Variants in PRDM5 observed in about 807,000 individuals in gnomAD.
PRDM5 encodes PR domain zinc finger protein 5.
In PRDM5, 56 loss-of-function variants were observed where a neutral mutation model predicts 81.2. The observed-to-expected ratio is 0.69, with a 90% confidence interval of 0.56 to 0.86. The LOEUF is 0.86. Ranked by LOEUF, PRDM5 falls within the 40% of genes least tolerant of loss-of-function variation. The probability of loss-of-function intolerance (pLI) is 0.00; values close to 1 mark genes in which losing one functional copy is unlikely to be tolerated. For synonymous variants in PRDM5, 267 were observed against 256.4 expected, an observed-to-expected ratio of 1.04 and a Z score of -0.39; for missense variants, 697 against 770.1, an observed-to-expected ratio of 0.91 and a Z score of 1.12.
At chr4:120,866,190 C>G (rs1761182429) in intron 2 of PRDM5, among the ~76,000 whole-genome samples, 1 of 152,188 alleles carries the variant, frequency 6.6e-6, no homozygotes, top group Admixed American at 6.5e-5. Flanking sequence ...ATCACTGTAC[C>G]TCCTCCCACT....
Position 120,748,964 on chromosome 4 carries a change from T to C in PRDM5, c.1623+5589A>G, listed in dbSNP as rs546344122. Among the ~76,000 whole-genome samples the C allele has an allele frequency of 1.1e-4, 17 of 152,194 alleles. 1 individual carries two copies. The South Asian group carries it at 1.9e-3, about 17-fold the overall frequency. On this transcript the variant is annotated intron_variant, in intron 14 of 15. Coordinates refer to ENST00000264808, the MANE Select transcript of PRDM5 (RefSeq NM_018699.4). ...TAACTGGACATGGAATATAAGAAGT[T>C]CCACTTTTATCAGCTCCTGGGCAGG...
chr4:120,817,757 A>G (rs1258873896), intron 5 of PRDM5, among the ~76,000 whole-genome samples: 2 of 152,192 alleles, frequency 1.3e-5, no homozygotes, highest in Non-Finnish European at 2.9e-5. Flanking sequence ...ATTTAAATAA[A>G]GATAATTTTA....
rs72921518 is a variant in PRDM5 at position 120,751,267 on chromosome 4, C to G, written c.1623+3286G>C. On this transcript the variant is annotated intron_variant, in intron 14 of 15. Transcript: ENST00000264808. ...ATGCTAGAGATGAAAAACATAATATCAAAAATGCACTCCTTCAATAGGCAG... is the reference window on the plus strand; with the variant it reads ...ATGCTAGAGATGAAAAACATAATATGAAAAATGCACTCCTTCAATAGGCAG... 7.3e-3 allele frequency among the ~76,000 whole-genome samples: 1,106 copies of G among 151,968 alleles called. 17 individuals carry two copies. Among genetic ancestry groups the G allele is most frequent in the African/African-American group, 0.025 (1,043 of 41,438 alleles).
intron 3 of PRDM5, among the ~76,000 whole-genome samples, chr4:120,834,056 G>A (rs72680418): frequency 0.045 from 6,848 of 152,216 alleles, 309 homozygotes; most frequent in Middle Eastern, 0.15. Flanking sequence ...GGTTATTACA[G>A]GAAATTTGTA....
intron 10 of PRDM5, among the ~76,000 whole-genome samples, chr4:120,793,654 T>G (rs1183653906): frequency 6.6e-6 from 1 of 152,146 alleles, no homozygotes; most frequent in African/African-American, 2.4e-5. Context: ...AATTGACAAA[T>G]AAAAATTGTA....
chr4:120,730,032 A>C (rs1740022536), intron 14 of PRDM5, among the ~76,000 whole-genome samples: 1 of 152,236 alleles, frequency 6.6e-6, no homozygotes, highest in South Asian at 2.1e-4. Context: ...AGATTAGTTC[A>C]TTCAATACGG....
intron 2 of PRDM5, among the ~76,000 whole-genome samples, chr4:120,855,684 G>A (rs1759792618): frequency 6.6e-6 from 1 of 152,142 alleles, no homozygotes; most frequent in South Asian, 2.1e-4. Context: ...CACCAAAACT[G>A]TTTATATTGA....
chr4:120,888,131 C>G (rs1262414512), intron 2 of PRDM5, among the ~76,000 whole-genome samples: 2 of 152,202 alleles, frequency 1.3e-5, no homozygotes, highest in African/African-American at 4.8e-5. Flanking sequence ...ATTATTTTAA[C>G]TAAACTTTTT....
chr4:120,733,333 T>C (rs571869059), intron 14 of PRDM5, among the ~76,000 whole-genome samples: 1 of 152,246 alleles, frequency 6.6e-6, no homozygotes, highest in Non-Finnish European at 1.5e-5. Flanking sequence ...CCCCACCTCA[T>C]GCTCCAGTTC....
chr4:120,896,194 G>C (rs1430756000), intron 2 of PRDM5: 1 of 151,984 alleles, frequency 6.6e-6, no homozygotes, highest in Admixed American at 6.6e-5. Flanking sequence ...AGTGAAGAAG[G>C]CCTGAGATTT....
At chr4:120,823,918 G>C (rs1755621067) in intron 3 of PRDM5, among the ~76,000 whole-genome samples, 1 of 152,162 alleles carries the variant, frequency 6.6e-6, no homozygotes, top group African/African-American at 2.4e-5. Context: ...TATAATGAAT[G>C]AGTTCTTCCT....
At chr4:120,853,098 A>C (rs1759470898) in intron 3 of PRDM5, among the ~76,000 whole-genome samples, 1 of 152,212 alleles carries the variant, frequency 6.6e-6, no homozygotes, top group African/African-American at 2.4e-5. Flanking sequence ...GAACAAAATA[A>C]ACTATCAAAC....
At chr4:120,772,554 T>C (rs1417451806) in intron 13 of PRDM5, among the ~76,000 whole-genome samples, 1 of 152,188 alleles carries the variant, frequency 6.6e-6, no homozygotes, top group African/African-American at 2.4e-5. Context: ...GAAAATTTAC[T>C]ATGAAGAATG....
chr4:120,793,364 C>A (rs778975888), intron 10 of PRDM5, among the ~76,000 whole-genome samples: 1 of 152,172 alleles, frequency 6.6e-6, no homozygotes, highest in African/African-American at 2.4e-5. Context: ...AGGGCTCCCA[C>A]TGATTCTACA....
intron 2 of PRDM5, among the ~76,000 whole-genome samples, chr4:120,889,269 A>G (rs1205603282): frequency 6.6e-6 from 1 of 152,188 alleles, no homozygotes; most frequent in East Asian, 1.9e-4. Context: ...GGGTCAAAAT[A>G]CTATTTTTCC....
chr4:120,771,076 T>C (rs530098393), intron 13 of PRDM5, among the ~76,000 whole-genome samples: 8 of 152,254 alleles, frequency 5.3e-5, no homozygotes, highest in African/African-American at 1.7e-4. Context: ...TTGTTACCTA[T>C]ATAATATTCC....
chr4:120,798,358 T>C lies in PRDM5; in HGVS notation c.1097A>G (p.His366Arg). Residue 366 changes from histidine to arginine, a missense_variant, in exon 10 of 16, where the codon CAC becomes CGC. Around this residue, in one of 3 missense-constraint regions of PRDM5, gnomAD observed 577 missense variants for 606.7 expected, o/e 0.95. Coordinates refer to ENST00000264808, the MANE Select transcript of PRDM5 (RefSeq NM_018699.4). ...TTTGTCTTCGCTGTGTATTACTTTG[T>C]GAGCACCCACTTGATCAAGCCTCTT... ...SFKRLDQVGA[H>R]KVIHSEDKPY... is the part of the protein sequence containing the mutation. 1.2e-6 allele frequency: 2 copies of C among 1,613,640 alleles called. No homozygotes were observed. The highest frequency in any genetic ancestry group is 1.7e-5 in the Admixed American group (1 of 59,986).
chr4:120,802,051 T>C (rs751015977), intron 8 of PRDM5, among the ~76,000 whole-genome samples: 2 of 152,222 alleles, frequency 1.3e-5, no homozygotes, highest in Non-Finnish European at 2.9e-5. Flanking sequence ...AATGAAACAT[T>C]GTTCATTTGT....
chr4:120,750,726 A>G (rs1046645707), intron 14 of PRDM5, among the ~76,000 whole-genome samples: 2 of 147,956 alleles, frequency 1.4e-5, no homozygotes, highest in Non-Finnish European at 3.0e-5. Context: ...ACACGCGCAC[A>G]CAAAACAGAC....
Sources: gnomAD v4.1 joint callset for allele counts (sites outside exome capture counted in the v4.1 genomes callset) on GRCh38, gnomAD v4.1.1 for gene constraint, gnomAD v4.1.1 regional missense constraint, MANE v1.5 for transcripts, NCBI Gene and HGNC (gene_info 2026-07-23, HGNC 2026-07-21) for gene names.